TUBB8: variants seen among roughly 807,000 people sequenced by gnomAD.
The protein encoded by TUBB8 is tubulin beta-8 chain.
A neutral mutation model predicts 33.7 loss-of-function variants in TUBB8; 25 were observed. The observed-to-expected ratio is 0.74, with a 90% confidence interval of 0.54 to 1.04. The LOEUF (loss-of-function observed/expected upper bound fraction) is 1.04, where lower values mean the gene tolerates loss of function less well. Among genes scored for constraint, TUBB8 ranks in the 50% least tolerant of loss-of-function variants. TUBB8 has a pLI of 0.00. For synonymous variants in TUBB8, 245 were observed against 240.1 expected (o/e 1.02, Z -0.19); for missense variants, 279 against 608.0 (o/e 0.46, Z 5.69).
At chr10:57,064 C>G (rs1834540421) in intron 1 of TUBB8, among the ~76,000 whole-genome samples, 2 of 152,214 alleles carry the variant, frequency 1.3e-5, no homozygotes, top group South Asian at 4.1e-4. Context: ...CCATGCAAGT[C>G]TGAAACCCAG....
chr10:48,790 G>T lies in TUBB8; in HGVS notation c.166+14C>A. The T allele has an allele frequency of 6.2e-7, 1 of 1,611,278 alleles. No homozygotes were observed. The highest frequency in any genetic ancestry group is 8.5e-7 in the Non-Finnish European group (1 of 1,178,980). ...GTTCCCAGGAGGGCGGTGGGGGAAGGACGGGGGTCTCACCGCTGGCCTCGT... is the reference window on the plus strand; with the variant it reads ...GTTCCCAGGAGGGCGGTGGGGGAAGTACGGGGGTCTCACCGCTGGCCTCGT... On this transcript the variant is annotated intron_variant, in intron 2 of 3. Coordinates refer to ENST00000568584, the MANE Select transcript of TUBB8 (RefSeq NM_177987.3).
Position 48,692 on chromosome 10 carries a change from T to A in TUBB8, c.200A>T (p.Asp67Val). The change falls in exon 3 of 4, where the codon GAT becomes GTT. Residue 67 changes from aspartate (D) to valine (V), a missense_variant. Asp to Val is a radical substitution (Grantham distance 152). Around this residue, in one of 4 missense-constraint regions of TUBB8, gnomAD observed 96 missense variants for 233.7 expected, o/e 0.41. Coordinates refer to ENST00000568584, the MANE Select transcript of TUBB8 (RefSeq NM_177987.3). ...AGAGTCCATGGTGCCCGGCTCCAGA[T>A]CCACGAGCACAGCGCGGGGCACGTA... ...GRYVPRAVLV[D>V]LEPGTMDSVR... 1 of 1,612,052 alleles carries A rather than the reference T, an allele frequency of 6.2e-7. No individual in the cohort carries two copies. The highest frequency in any genetic ancestry group is 8.5e-7 in the Non-Finnish European group (1 of 1,179,798).
chr10:69,920 G>T (rs1393807423), intron 1 of TUBB8, among the ~76,000 whole-genome samples: 2 of 152,186 alleles, frequency 1.3e-5, no homozygotes, highest in East Asian at 3.8e-4. Flanking sequence ...CAGGGAGCCA[G>T]ACAGAATTCT....
At chr10:49,367 C>T (rs1389664029), upstream of TUBB8, 10 of 896,164 alleles carry the variant, frequency 1.1e-5, no homozygotes, top group African/African-American at 1.7e-4. Flanking sequence ...ATTCGGCTCC[C>T]AGAATAAGCA....
At chr10:55,243 AACTC>A (rs1564208125) in intron 1 of TUBB8, among the ~76,000 whole-genome samples, 1 of 152,166 alleles carries the variant, frequency 6.6e-6, no homozygotes, top group Non-Finnish European at 1.5e-5. Flanking sequence ...ATCTCATGAG[AACTC>A]ACTCATTGTC....
intron 1 of TUBB8, among the ~76,000 whole-genome samples, chr10:64,975 T>TAAAAAAAA (rs61340461): frequency 9.3e-5 from 11 of 118,558 alleles, no homozygotes; most frequent in African/African-American, 3.3e-4. Context: ...CCATCTCCAC[T>TAAAAAAAA]AAAAAAAAAA....
chr10:76,139 C>CAAAA (rs71374333), upstream of TUBB8, among the ~76,000 whole-genome samples: 14 of 73,320 alleles, frequency 1.9e-4, no homozygotes, highest in African/African-American at 3.2e-4. Context: ...AACTCCGTCT[C>CAAAA]AAAAAAAAAA....
At chr10:50,139 T>G (rs1452171690), upstream of TUBB8, 11 of 152,370 alleles carry the variant, frequency 7.2e-5, no homozygotes, top group African/African-American at 2.7e-4. Flanking sequence ...CAGGTTTAAC[T>G]GGAGAAGGAG....
At chr10:64,022 G>C (rs1588279044) in intron 1 of TUBB8, among the ~76,000 whole-genome samples, 1 of 152,130 alleles carries the variant, frequency 6.6e-6, no homozygotes, top group African/African-American at 2.4e-5. Context: ...GGTGGCCTTG[G>C]ATTAACATCA....
intron 1 of TUBB8, among the ~76,000 whole-genome samples, chr10:67,149 TG>T (rs1364057584): frequency 8.9e-5 from 8 of 89,802 alleles, no homozygotes; most frequent in Non-Finnish European, 1.5e-4. Flanking sequence ...TTTGTTTTTT[TG>T]TTGTTTTTTT....
chr10:70,590 A>AT (rs1214509575), intron 1 of TUBB8, among the ~76,000 whole-genome samples: 1 of 152,208 alleles, frequency 6.6e-6, no homozygotes, highest in African/African-American at 2.4e-5. Context: ...CTGTAATCAC[A>AT]GTACTTTGGG....
Position 49,255 on chromosome 10 carries a change from G to T in TUBB8, c.-17C>A. On this transcript the variant is annotated 5_prime_UTR_variant, in exon 1 of 4. Coordinates refer to ENST00000568584, the MANE Select transcript of TUBB8 (RefSeq NM_177987.3). ...CTCCCTCATGGCCAAGGCGGGATTA[G>T]GACGGCAGGAGAAACGTGAGAAGGA... The T allele has an allele frequency of 6.3e-7, 1 of 1,578,794 alleles. No homozygotes were observed. Among genetic ancestry groups the T allele is most frequent in the Non-Finnish European group, 8.6e-7 (1 of 1,162,804 alleles).
chr10:50,089 A>C (rs1227186454), upstream of TUBB8: 2 of 153,564 alleles, frequency 1.3e-5, no homozygotes, highest in Non-Finnish European at 2.9e-5. Context: ...GGTAAATTAG[A>C]GTGGCCAGTT....
chr10:65,739 A>G (rs1234897201), intron 1 of TUBB8, among the ~76,000 whole-genome samples: 3 of 152,134 alleles, frequency 2.0e-5, no homozygotes, highest in African/African-American at 7.2e-5. Context: ...AAAATTAAAA[A>G]TAATAATAAT....
upstream of TUBB8, among the ~76,000 whole-genome samples, chr10:54,168 TC>T (rs1834502233): frequency 1.3e-5 from 2 of 152,338 alleles, no homozygotes; most frequent in South Asian, 2.1e-4. Flanking sequence ...CCATTTCACA[TC>T]CCCACTAACC....
At chr10:76,446 C>G (rs376788440), upstream of TUBB8, among the ~76,000 whole-genome samples, 1,121 of 152,128 alleles carry the variant, frequency 7.4e-3, 10 homozygotes, top group African/African-American at 0.026. Context: ...CTCACAGCGG[C>G]GGCAGGAAGC....
chr10:55,500 C>T (rs1834519215), intron 1 of TUBB8, among the ~76,000 whole-genome samples: 3 of 152,164 alleles, frequency 2.0e-5, no homozygotes. Flanking sequence ...GCTGTAATTC[C>T]ATTTGTCCAT....
chr10:70,614 C>T (rs1361128380), intron 1 of TUBB8, among the ~76,000 whole-genome samples: 4 of 151,938 alleles, frequency 2.6e-5, no homozygotes, highest in East Asian at 1.9e-4. Flanking sequence ...CCGAGGCGGG[C>T]GGATCAGCTG....
intron 1 of TUBB8, among the ~76,000 whole-genome samples, chr10:61,036 T>C (rs1554740772): frequency 1.5e-5 from 2 of 130,546 alleles, no homozygotes; most frequent in African/African-American, 5.9e-5. Flanking sequence ...TGAGATCACA[T>C]GGACCAGGAA....
Sources: allele counts gnomAD v4.1 joint callset (sites outside exome capture counted in the v4.1 genomes callset), GRCh38; gene constraint gnomAD v4.1.1; regional missense constraint gnomAD v4.1.1; transcripts MANE v1.5; gene names NCBI Gene and HGNC (gene_info 2026-07-23, HGNC 2026-07-21).